Variants in ADAM23 observed in about 807,000 individuals in gnomAD.
ADAM23 encodes the protein disintegrin and metalloproteinase domain-containing protein 23.
In ADAM23, 33 loss-of-function variants were observed where a neutral mutation model predicts 120.1. The observed-to-expected ratio is 0.27, with a 90% CI of 0.21 to 0.37. ADAM23 has a LOEUF of 0.37. Ranked by LOEUF, ADAM23 falls within the 10% of genes least tolerant of loss-of-function variation. The pLI, the probability that ADAM23 is intolerant of heterozygous loss-of-function variation, is 1.00. For synonymous variants in ADAM23, 367 were observed against 375.2 expected (o/e 0.98, Z 0.25); for missense variants, 862 against 1,058.2 (o/e 0.81, Z 2.57).
intron 2 of ADAM23, among the ~76,000 whole-genome samples, chr2:206,462,927 C>G (rs1348754024): frequency 6.6e-6 from 1 of 152,088 alleles, no homozygotes; most frequent in Non-Finnish European, 1.5e-5. Context: ...TGGCAGCTCT[C>G]TGGAAGACGG....
At chr2:206,456,415 G>A (rs1399050829) in intron 2 of ADAM23, among the ~76,000 whole-genome samples, 2 of 151,184 alleles carry the variant, frequency 1.3e-5, no homozygotes, top group Non-Finnish European at 2.9e-5. Flanking sequence ...ATTTGCGTAG[G>A]GACATAGAGC....
In ADAM23 at chr2:206,445,354, G is replaced by C. The variant is rs750983163; in HGVS notation, c.262G>C (p.Asp88His). Reference sequence around the variant, plus strand: ...AGAAAAAAATTTGGGAGTCCTGGCAGATGAAGACAATACATTGCAACAGAA... The same window carrying C: ...AGAAAAAAATTTGGGAGTCCTGGCACATGAAGACAATACATTGCAACAGAA... ...TAEKNLGVLA[D>H]EDNTLQQNSS... is the part of the protein sequence containing the mutation. Residue 88 changes from aspartate to histidine, a missense_variant, in exon 2 of 26, where the codon GAT (aspartate) becomes CAT (histidine). By Grantham distance (81) the Asp-to-His change is moderately conservative. Transcript: ENST00000264377. 1.9e-6 allele frequency: 3 copies of C among 1,614,096 alleles called. No individual in the cohort carries two copies. The highest frequency in any genetic ancestry group is 1.7e-6 in the Non-Finnish European group (2 of 1,180,010).
intron 2 of ADAM23, among the ~76,000 whole-genome samples, chr2:206,452,829 C>T (rs966471469): frequency 1.3e-5 from 2 of 151,996 alleles, no homozygotes; most frequent in Non-Finnish European, 1.5e-5. Flanking sequence ...TTGACTCCTC[C>T]CTCTCCTGCC....
intron 2 of ADAM23, among the ~76,000 whole-genome samples, chr2:206,463,956 A>G (rs1574480860): frequency 6.6e-6 from 1 of 152,374 alleles, no homozygotes. Flanking sequence ...AAAAGACAAT[A>G]TGAAGCTGCC....
chr2:206,545,036 TG>T (rs1261591568), intron 6 of ADAM23, among the ~76,000 whole-genome samples: 2 of 151,816 alleles, frequency 1.3e-5, no homozygotes, highest in African/African-American at 4.8e-5. Flanking sequence ...AGGGGAAGAA[TG>T]GGAGGAGATT....
In ADAM23 at chr2:206,463,725, G is replaced by A. The variant is rs117777799; in HGVS notation, c.433-17507G>A. Among the ~76,000 whole-genome samples, 81 of 152,336 alleles carry A rather than the reference G, an allele frequency of 5.3e-4. No homozygotes were observed. The East Asian group carries it at 0.015, about 28-fold the overall frequency. ...ATATGTTAATGACCTCGTTGTCCCC[G>A]GGATCAGGGGCAGGTCAGGATGAGA... On this transcript the variant is annotated intron_variant, in intron 2 of 25. Transcript: ENST00000264377.
At chr2:206,526,740 G>A (rs1696954768) in intron 3 of ADAM23, among the ~76,000 whole-genome samples, 1 of 152,222 alleles carries the variant, frequency 6.6e-6, no homozygotes, top group Non-Finnish European at 1.5e-5. Flanking sequence ...ATAGCATTTG[G>A]TGGACACACA....
chr2:206,560,102 G>T lies in ADAM23; in HGVS notation c.1153G>T (p.Ala385Ser), dbSNP rs1446242169. ...GCAGCGCATTAAGCAGCATGCTGAT[G>T]CTGTGCACCTCATCTCGTACGTACT... Reference protein sequence around the residue: ...YRQRIKQHADAVHLISRVTFH... With the variant: ...YRQRIKQHADSVHLISRVTFH... The change falls in exon 11 of 26, where the codon GCT becomes TCT. Residue 385 changes from alanine to serine, a missense_variant. By Grantham distance (99) the Ala-to-Ser change is moderately conservative (BLOSUM62 1). Coordinates refer to ENST00000264377, the MANE Select transcript of ADAM23 (RefSeq NM_003812.4). 2 of 1,613,688 alleles carry T rather than the reference G, an allele frequency of 1.2e-6. No individual in the cohort carries two copies. The highest frequency in any genetic ancestry group is 2.2e-5 in the South Asian group (2 of 90,964).
At chr2:206,523,173 C>T (rs1403045864) in intron 3 of ADAM23, among the ~76,000 whole-genome samples, 2 of 152,120 alleles carry the variant, frequency 1.3e-5, no homozygotes, top group African/African-American at 4.8e-5. Flanking sequence ...TTCCTGTCCT[C>T]ATTATACTAG....
At chr2:206,565,267 T>C (rs1470272306) in intron 14 of ADAM23, among the ~76,000 whole-genome samples, 199 bp downstream of exon 14, 4 of 152,222 alleles carry the variant, frequency 2.6e-5, no homozygotes, top group Non-Finnish European at 5.9e-5. Context: ...GTGATAAAAG[T>C]AAAATGTATT....
intron 3 of ADAM23, among the ~76,000 whole-genome samples, chr2:206,515,249 T>C (rs1370732575): frequency 6.6e-6 from 1 of 152,192 alleles, no homozygotes; most frequent in African/African-American, 2.4e-5. Context: ...CTAGTGATCA[T>C]TGAAACAACT....
At chr2:206,472,412 C>G (rs940179242) in intron 2 of ADAM23, among the ~76,000 whole-genome samples, 3 of 151,814 alleles carry the variant, frequency 2.0e-5, no homozygotes, top group Admixed American at 6.6e-5. Flanking sequence ...GAGTTCAAGA[C>G]TAGCCTGGCC....
intron 4 of ADAM23, among the ~76,000 whole-genome samples, chr2:206,539,194 G>A (rs930159141): frequency 5.9e-5 from 9 of 152,174 alleles, no homozygotes; most frequent in South Asian, 2.1e-4. Context: ...GAAAGGTAGG[G>A]AGCATACTAG....
intron 2 of ADAM23, among the ~76,000 whole-genome samples, chr2:206,465,014 GT>G (rs996405802): frequency 2.0e-5 from 3 of 151,944 alleles, no homozygotes; most frequent in African/African-American, 7.3e-5. Flanking sequence ...AGCCAGCTTA[GT>G]TTTTTTCTGC....
intron 9 of ADAM23, among the ~76,000 whole-genome samples, chr2:206,555,141 G>GCT (rs1697617571): frequency 6.6e-6 from 1 of 152,028 alleles, no homozygotes; most frequent in African/African-American, 2.4e-5. Context: ...CCTACTTTTA[G>GCT]CTCTAGCCCC....
chr2:206,524,641 A>G (rs1696908345), intron 3 of ADAM23, among the ~76,000 whole-genome samples: 1 of 152,228 alleles, frequency 6.6e-6, no homozygotes, highest in Admixed American at 6.5e-5. Flanking sequence ...GTGGCAGACA[A>G]GAGAGAATGC....
chr2:206,599,225 A>G (rs986835681), intron 24 of ADAM23, among the ~76,000 whole-genome samples: 1 of 151,026 alleles, frequency 6.6e-6, no homozygotes, highest in Non-Finnish European at 1.5e-5. Flanking sequence ...AAAAAAAGAG[A>G]TAAGCATTCT....
In ADAM23 at chr2:206,497,976, A is replaced by G. The variant is rs182495970; in HGVS notation, c.509+16668A>G. ...GTGAAGGAGCTCTTCAAGAACTACA[A>G]TCCACTGCTCAATGAAATAAAAGGG... On this transcript the variant is annotated intron_variant, in intron 3 of 25. Transcript: ENST00000264377. Among the ~76,000 whole-genome samples the G allele has an allele frequency of 1.2e-4, 19 of 152,284 alleles. No homozygotes were observed. In the East Asian group the frequency reaches 2.7e-3, roughly 22 times the overall value.
At chr2:206,525,100 CTCTTT>C (rs913782348) in intron 3 of ADAM23, among the ~76,000 whole-genome samples, 5 of 152,082 alleles carry the variant, frequency 3.3e-5, no homozygotes, top group African/African-American at 1.2e-4. Flanking sequence ...ATTAATATGC[CTCTTT>C]TCATTTCCAC....
Sources: gnomAD v4.1 joint callset for allele counts (sites outside exome capture counted in the v4.1 genomes callset) on GRCh38, gnomAD v4.1.1 for gene constraint, MANE v1.5 for transcripts, NCBI Gene and HGNC (gene_info 2026-07-23, HGNC 2026-07-21) for gene names.